The following KCNQ5 variants were observed in gnomAD, a reference collection of about 807,000 sequenced individuals.
KCNQ5 encodes potassium voltage-gated channel subfamily Q member 5.
KCNQ5 carries 30 observed loss-of-function variants against 98.2 expected under a neutral mutation model. That is an observed-to-expected ratio of 0.31 (90% CI 0.23 to 0.41). The LOEUF is 0.41. KCNQ5 is among the 10% of genes least tolerant of loss of function. The pLI is 1.00. For missense variants in KCNQ5, 835 were observed against 1,182.5 expected (o/e 0.71, Z 4.31); for synonymous variants, 458 against 449.4 (o/e 1.02, Z -0.24).
At chr6:72,907,498 C>T (rs1779750926) in intron 1 of KCNQ5, among the ~76,000 whole-genome samples, 1 of 152,004 alleles carries the variant, frequency 6.6e-6, no homozygotes. Flanking sequence ...TATAAATAGC[C>T]ACTTGTCCTA....
intron 1 of KCNQ5, among the ~76,000 whole-genome samples, chr6:72,712,831 T>G (rs1481391546): frequency 6.6e-6 from 1 of 152,152 alleles, no homozygotes; most frequent in Non-Finnish European, 1.5e-5. Context: ...ATAATTTGAG[T>G]CATAATTAAG....
intron 5 of KCNQ5, among the ~76,000 whole-genome samples, chr6:73,088,478 G>A (rs1182358598): frequency 1.3e-5 from 2 of 152,082 alleles, no homozygotes; most frequent in East Asian, 3.9e-4. Context: ...ATTCTTCTCT[G>A]ACTTTCCTTT....
intron 1 of KCNQ5, among the ~76,000 whole-genome samples, chr6:72,734,763 A>G (rs1770737605): frequency 6.6e-6 from 1 of 152,212 alleles, no homozygotes; most frequent in African/African-American, 2.4e-5. Flanking sequence ...AGGTTCTGTC[A>G]TATAATTTTA....
chr6:72,973,377 T>C (rs1360470058), intron 1 of KCNQ5, among the ~76,000 whole-genome samples: 2 of 152,072 alleles, frequency 1.3e-5, no homozygotes, highest in Non-Finnish European at 2.9e-5. Flanking sequence ...TTTTTAGAGA[T>C]GCCATGGATT....
intron 1 of KCNQ5, among the ~76,000 whole-genome samples, chr6:72,658,426 G>A (rs1174436723): frequency 2.1e-5 from 3 of 139,728 alleles, no homozygotes; most frequent in Admixed American, 7.3e-5. Context: ...GATTACAGGC[G>A]CCCACCACCA....
chr6:72,785,415 G>A (rs533073523), intron 1 of KCNQ5, among the ~76,000 whole-genome samples: 4 of 152,174 alleles, frequency 2.6e-5, no homozygotes, highest in East Asian at 1.9e-4. Context: ...TTGGGAGGCC[G>A]AGGCGGGTGG....
At chr6:72,905,656 T>C (rs1277428172) in intron 1 of KCNQ5, among the ~76,000 whole-genome samples, 4 of 152,182 alleles carry the variant, frequency 2.6e-5, no homozygotes, top group African/African-American at 9.7e-5. Context: ...CTTCTGGGTC[T>C]AGTCACCTCA....
chr6:72,697,943 C>T (rs547075970), intron 1 of KCNQ5, among the ~76,000 whole-genome samples: 3 of 152,156 alleles, frequency 2.0e-5, no homozygotes, highest in Admixed American at 6.5e-5. Flanking sequence ...CAACTGGGGA[C>T]GGTGGCTCAT....
At chr6:72,801,841 G>T (rs1283191647) in intron 1 of KCNQ5, among the ~76,000 whole-genome samples, 1 of 150,858 alleles carries the variant, frequency 6.6e-6, no homozygotes, top group South Asian at 2.1e-4. Context: ...AAATCTCTCA[G>T]CATTTGCTTG....
At chr6:73,103,492 G>GTT (rs1562180505) in intron 5 of KCNQ5, among the ~76,000 whole-genome samples, 2 of 152,018 alleles carry the variant, frequency 1.3e-5, no homozygotes, top group Non-Finnish European at 1.5e-5. Flanking sequence ...TCATGGGGGG[G>GTT]GGGGAGAGGG....
intron 10 of KCNQ5, among the ~76,000 whole-genome samples, chr6:73,159,690 A>C (rs1462403872): frequency 2.6e-5 from 4 of 152,188 alleles, no homozygotes; most frequent in Non-Finnish European, 5.9e-5. Flanking sequence ...AGTAAGGCTG[A>C]ATAATTTTCA....
At chr6:72,865,388 A>G (rs924839061) in intron 1 of KCNQ5, among the ~76,000 whole-genome samples, 1 of 152,192 alleles carries the variant, frequency 6.6e-6, no homozygotes, top group Non-Finnish European at 1.5e-5. Flanking sequence ...CATAGATATA[A>G]TCTCCTTTAT....
chr6:72,945,023 T>A (rs1766470740), intron 1 of KCNQ5, among the ~76,000 whole-genome samples: 1 of 152,134 alleles, frequency 6.6e-6, no homozygotes, highest in South Asian at 2.1e-4. Context: ...CAAAAAAAAA[T>A]TCATATTCTG....
chr6:73,034,350 A>G (rs1771294518), intron 2 of KCNQ5, among the ~76,000 whole-genome samples: 1 of 152,250 alleles, frequency 6.6e-6, no homozygotes, highest in African/African-American at 2.4e-5. Flanking sequence ...AATAAAAGCA[A>G]TAGTTCTAAT....
At chr6:72,974,603 A>G (rs1436772636) in intron 1 of KCNQ5, among the ~76,000 whole-genome samples, 1 of 152,158 alleles carries the variant, frequency 6.6e-6, no homozygotes, top group East Asian at 1.9e-4. Context: ...AAACAACCAA[A>G]TATGGGACAT....
chr6:72,911,705 A>G (rs960452252), intron 1 of KCNQ5, among the ~76,000 whole-genome samples: 2 of 152,146 alleles, frequency 1.3e-5, no homozygotes, highest in Non-Finnish European at 2.9e-5. Flanking sequence ...CCAGCATGGT[A>G]GCTGTCAGTG....
chr6:73,088,262 C>A (rs1774074798), intron 5 of KCNQ5, among the ~76,000 whole-genome samples: 1 of 152,042 alleles, frequency 6.6e-6, no homozygotes, highest in Non-Finnish European at 1.5e-5. Context: ...CTCAGGTGAT[C>A]CACCTGCCTC....
intron 10 of KCNQ5, among the ~76,000 whole-genome samples, chr6:73,155,667 C>G (rs1186770426): frequency 6.6e-6 from 1 of 152,110 alleles, no homozygotes; most frequent in African/African-American, 2.4e-5. Context: ...AATTGATGTA[C>G]AGGAAGAGAT....
At chr6:72,931,145 A>T (rs1209930859) in intron 1 of KCNQ5, among the ~76,000 whole-genome samples, 1 of 152,166 alleles carries the variant, frequency 6.6e-6, no homozygotes, top group African/African-American at 2.4e-5. Context: ...GCCCACTTTA[A>T]CTGGATACTA....
Sources: gnomAD v4.1 joint callset for allele counts (sites outside exome capture counted in the v4.1 genomes callset) on GRCh38, gnomAD v4.1.1 for gene constraint, MANE v1.5 for transcripts, NCBI Gene and HGNC (gene_info 2026-07-23, HGNC 2026-07-21) for gene names.